Variants in QTMAN observed in about 807,000 individuals in gnomAD.
QTMAN encodes the protein queuosine-tRNA mannosyltransferase.
At chr2:144,325,734 T>TAC in the QTMAN span, among the ~76,000 whole-genome samples, 4 of 152,178 alleles carry the variant, frequency 2.6e-5, no homozygotes, top group African/African-American at 4.8e-5. Context: ...TCTACACATA[T>TAC]ACACACACTC....
At chr2:144,061,015 C>T in the QTMAN span, among the ~76,000 whole-genome samples, 1 of 151,508 alleles carries the variant, frequency 6.6e-6, no homozygotes, top group East Asian at 1.9e-4. Flanking sequence ...GTGAACTGTT[C>T]TTTTTATCAC....
the QTMAN span, among the ~76,000 whole-genome samples, chr2:144,172,624 A>C: frequency 1.3e-5 from 2 of 148,552 alleles, no homozygotes; most frequent in African/African-American, 5.0e-5. Context: ...ACTCTGTCAA[A>C]AAAAAAAAAA....
At chr2:144,051,748 CT>C in the QTMAN span, among the ~76,000 whole-genome samples, 1 of 152,012 alleles carries the variant, frequency 6.6e-6, no homozygotes, top group East Asian at 1.9e-4. Context: ...GCTGAAATGG[CT>C]GCAGATTTGG....
chr2:144,249,732 G>C, the QTMAN span, among the ~76,000 whole-genome samples: 1 of 152,278 alleles, frequency 6.6e-6, no homozygotes, highest in Admixed American at 6.5e-5. Flanking sequence ...ATGTAATCCA[G>C]ATTTAAATTA....
At chr2:144,148,543 CAATA>C in the QTMAN span, among the ~76,000 whole-genome samples, 1 of 151,772 alleles carries the variant, frequency 6.6e-6, no homozygotes, top group Non-Finnish European at 1.5e-5. Context: ...ATTCCATAAA[CAATA>C]AACCCATCAT....
the QTMAN span, among the ~76,000 whole-genome samples, chr2:144,172,671 A>G: frequency 6.6e-6 from 1 of 151,816 alleles, no homozygotes; most frequent in Non-Finnish European, 1.5e-5. Context: ...TAACTTAGGA[A>G]GCTCACTGCC....
chr2:144,117,121 T>C, the QTMAN span, among the ~76,000 whole-genome samples: 1 of 151,976 alleles, frequency 6.6e-6, no homozygotes, highest in Non-Finnish European at 1.5e-5. Context: ...TAAATGCCCA[T>C]TCCTTCCTTC....
the QTMAN span, among the ~76,000 whole-genome samples, chr2:144,240,375 CCTAT>C: frequency 7.2e-5 from 11 of 152,094 alleles, no homozygotes; most frequent in African/African-American, 2.7e-4. Flanking sequence ...CCAACTGAAT[CCTAT>C]AAAGAAAAAA....
chr2:143,986,465 C>T, the QTMAN span, among the ~76,000 whole-genome samples: 1 of 152,182 alleles, frequency 6.6e-6, no homozygotes, highest in Admixed American at 6.5e-5. Context: ...TCCCCTCTTC[C>T]ACCACCTTCT....
chr2:144,001,150 C>A, the QTMAN span, among the ~76,000 whole-genome samples: 3 of 151,910 alleles, frequency 2.0e-5, no homozygotes, highest in Non-Finnish European at 4.4e-5. Context: ...GAAGACTAGT[C>A]ATTGATTGTG....
chr2:144,295,252 T>C, the QTMAN span: 3 of 152,198 alleles, frequency 2.0e-5, no homozygotes, highest in Admixed American at 2.0e-4. Context: ...TAAGGCTCAC[T>C]TCCTAAGGGA....
the QTMAN span, among the ~76,000 whole-genome samples, chr2:144,093,315 T>A: frequency 6.6e-6 from 1 of 152,332 alleles, no homozygotes; most frequent in South Asian, 2.1e-4. Context: ...ACACCTGCTG[T>A]GACATAAAAG....
chr2:144,016,344 A>G, the QTMAN span, among the ~76,000 whole-genome samples: 1 of 152,170 alleles, frequency 6.6e-6, no homozygotes, highest in African/African-American at 2.4e-5. Flanking sequence ...TCATTTTTTC[A>G]ATTTGAAACT....
At chr2:144,132,258 C>T in the QTMAN span, among the ~76,000 whole-genome samples, 1 of 151,808 alleles carries the variant, frequency 6.6e-6, no homozygotes, top group Non-Finnish European at 1.5e-5. Flanking sequence ...TTTCATTACA[C>T]CTAATTTTTT....
the QTMAN span, among the ~76,000 whole-genome samples, chr2:144,038,734 G>T: frequency 1.3e-5 from 2 of 152,052 alleles, no homozygotes; most frequent in Non-Finnish European, 2.9e-5. Flanking sequence ...GTATTAAATT[G>T]ATGTTGTATA....
the QTMAN span, chr2:143,946,585 AC>A: frequency 6.5e-6 from 1 of 154,122 alleles, no homozygotes; most frequent in Non-Finnish European, 1.4e-5. Context: ...TAACCTGGCA[AC>A]CTAGGTAGAA....
At chr2:144,029,650 C>T in the QTMAN span, among the ~76,000 whole-genome samples, 1 of 152,026 alleles carries the variant, frequency 6.6e-6, no homozygotes, top group Non-Finnish European at 1.5e-5. Context: ...AAAAAACATG[C>T]TAGCAAAGCT....
chr2:144,102,403 A>T, the QTMAN span, among the ~76,000 whole-genome samples: 5 of 152,294 alleles, frequency 3.3e-5, no homozygotes, highest in East Asian at 7.7e-4. Flanking sequence ...TTTTGTGTTT[A>T]AAAAAAGTTT....
chr2:143,957,084 A>G, the QTMAN span: 1 of 859,732 alleles, frequency 1.2e-6, no homozygotes, highest in South Asian at 2.3e-5. Flanking sequence ...TAGTCAATTG[A>G]ATTCCTTTTG....
Sources: gnomAD v4.1 joint callset for allele counts (sites outside exome capture counted in the v4.1 genomes callset) on GRCh38, gnomAD v4.1.1 for gene constraint, MANE v1.5 for transcripts, NCBI Gene and HGNC (gene_info 2026-07-23, HGNC 2026-07-21) for gene names.